The following BBS9 variants were observed in gnomAD, a reference collection of about 807,000 sequenced individuals.
BBS9 encodes the protein protein PTHB1.
A neutral mutation model predicts 117.7 loss-of-function variants in BBS9; 89 were observed. That is an observed-to-expected ratio of 0.76 (90% CI 0.64 to 0.90). The LOEUF (loss-of-function observed/expected upper bound fraction) is 0.90. BBS9 is among the 40% of genes least tolerant of loss of function. BBS9 has a pLI of 0.00. For synonymous variants in BBS9, 379 were observed against 370.9 expected (o/e 1.02, Z -0.25); for missense variants, 982 against 1,042.2 (o/e 0.94, Z 0.80).
intron 20 of BBS9, chr7:33,533,751 A>G (rs2129058921): frequency 1.6e-6 from 1 of 608,986 alleles, no homozygotes; most frequent in Non-Finnish European, 2.9e-6. Flanking sequence ...TGAGGCTAAG[A>G]GGAATTAAGT....
chr7:33,593,902 G>A (rs1195194592), intron 21 of BBS9, among the ~76,000 whole-genome samples: 1 of 152,084 alleles, frequency 6.6e-6, no homozygotes, highest in Non-Finnish European at 1.5e-5. Context: ...AGTACATTGT[G>A]TTTACATAAT....
chr7:33,231,986 C>CTA (rs1452842764), intron 5 of BBS9, among the ~76,000 whole-genome samples: 5 of 152,108 alleles, frequency 3.3e-5, no homozygotes, highest in African/African-American at 1.2e-4. Context: ...AAAATCACCC[C>CTA]TACTGCTCAA....
intron 5 of BBS9, among the ~76,000 whole-genome samples, chr7:33,230,844 A>C (rs190063862): frequency 2.6e-5 from 4 of 152,162 alleles, no homozygotes; most frequent in African/African-American, 9.7e-5. Flanking sequence ...GGTTGATTCC[A>C]TATCTTTACA....
intron 21 of BBS9, among the ~76,000 whole-genome samples, chr7:33,558,838 A>G (rs1260906679): frequency 6.6e-6 from 1 of 152,238 alleles, no homozygotes; most frequent in African/African-American, 2.4e-5. Context: ...CAGCAATAAC[A>G]TTTGAGAAAA....
chr7:33,599,790 A>G (rs987712653), intron 21 of BBS9, among the ~76,000 whole-genome samples: 9 of 152,224 alleles, frequency 5.9e-5, no homozygotes, highest in Admixed American at 6.5e-5. Flanking sequence ...TAAAACTATC[A>G]CATATAACAG....
At chr7:33,147,469 C>T (rs1490926536) in intron 2 of BBS9, among the ~76,000 whole-genome samples, 1 of 152,038 alleles carries the variant, frequency 6.6e-6, no homozygotes, top group Non-Finnish European at 1.5e-5. Flanking sequence ...CACAGAGCAC[C>T]TACTAAGTTG....
At chr7:33,455,538 A>G (rs1275375951) in intron 19 of BBS9, among the ~76,000 whole-genome samples, 1 of 152,054 alleles carries the variant, frequency 6.6e-6, no homozygotes, top group African/African-American at 2.4e-5. Context: ...TATTGCCTTC[A>G]TGTCCCACTA....
chr7:33,370,296 TAA>T (rs199639207), intron 17 of BBS9, among the ~76,000 whole-genome samples: 9 of 142,318 alleles, frequency 6.3e-5, no homozygotes, highest in Admixed American at 7.0e-5. Context: ...AGTCCCTATT[TAA>T]AAAAAAAAAA....
chr7:33,256,310 A>T (rs1331692675), intron 5 of BBS9, among the ~76,000 whole-genome samples: 1 of 152,202 alleles, frequency 6.6e-6, no homozygotes, highest in Non-Finnish European at 1.5e-5. Flanking sequence ...TATCTCTCTA[A>T]AAGAGATTCC....
intron 5 of BBS9, among the ~76,000 whole-genome samples, chr7:33,240,601 C>G (rs1416794537): frequency 1.3e-5 from 2 of 152,002 alleles, no homozygotes; most frequent in African/African-American, 4.8e-5. Flanking sequence ...TTTCACTTCC[C>G]CCTTGAACTT....
chr7:33,535,749 G>GA (rs1010885454), intron 21 of BBS9, among the ~76,000 whole-genome samples: 2 of 151,238 alleles, frequency 1.3e-5, no homozygotes, highest in African/African-American at 4.9e-5. Flanking sequence ...TTGCCCACAG[G>GA]AAAAACAAAG....
intron 19 of BBS9, among the ~76,000 whole-genome samples, chr7:33,490,533 A>T (rs1843748549): frequency 6.6e-6 from 1 of 152,154 alleles, no homozygotes; most frequent in South Asian, 2.1e-4. Flanking sequence ...GATAGTCATT[A>T]AGAATTATCT....
At chr7:33,386,666 A>T (rs1826082390) in intron 18 of BBS9, among the ~76,000 whole-genome samples, 1 of 148,900 alleles carries the variant, frequency 6.7e-6, no homozygotes, top group Non-Finnish European at 1.5e-5. Context: ...AATTTTTTGT[A>T]TTTTTTTTTA....
At chr7:33,393,201 TAAATA>T (rs1218216193) in intron 19 of BBS9, among the ~76,000 whole-genome samples, 3 of 152,016 alleles carry the variant, frequency 2.0e-5, no homozygotes, top group African/African-American at 4.8e-5. Context: ...AAAAAATAAA[TAAATA>T]AAAAATAATG....
At chr7:33,340,120 C>G (rs1259610403) in intron 10 of BBS9, among the ~76,000 whole-genome samples, 1 of 151,776 alleles carries the variant, frequency 6.6e-6, no homozygotes, top group Non-Finnish European at 1.5e-5. Context: ...TAATTCAGTA[C>G]TAAAAGGATA....
At chr7:33,143,860 C>T (rs1791923443) in intron 1 of BBS9, among the ~76,000 whole-genome samples, 1 of 120,362 alleles carries the variant, frequency 8.3e-6, no homozygotes, top group African/African-American at 2.8e-5. Context: ...CCACCGCACC[C>T]AGCTCATTTG....
intron 5 of BBS9, among the ~76,000 whole-genome samples, chr7:33,225,776 G>A (rs1280594000): frequency 6.7e-6 from 1 of 148,996 alleles, no homozygotes; most frequent in East Asian, 2.0e-4. Flanking sequence ...TACTCCTGCT[G>A]GTTATTGCTT....
chr7:33,224,127 A>G (rs988329634), intron 5 of BBS9, among the ~76,000 whole-genome samples: 1 of 152,200 alleles, frequency 6.6e-6, no homozygotes, highest in African/African-American at 2.4e-5. Flanking sequence ...TATTATTTAT[A>G]ATACTACTAA....
intron 5 of BBS9, among the ~76,000 whole-genome samples, chr7:33,189,011 CTTTTA>C (rs1026134577): frequency 7.9e-5 from 12 of 151,982 alleles, no homozygotes; most frequent in Non-Finnish European, 1.2e-4. Context: ...TACATTTTTA[CTTTTA>C]TTTTATTTTA....
Sources: gnomAD v4.1 joint callset for allele counts (sites outside exome capture counted in the v4.1 genomes callset) on GRCh38, gnomAD v4.1.1 for gene constraint, MANE v1.5 for transcripts, NCBI Gene and HGNC (gene_info 2026-07-23, HGNC 2026-07-21) for gene names.